Variants in TENM3 observed in about 807,000 individuals in gnomAD.
TENM3 encodes the protein teneurin transmembrane protein 3, also known as teneurin-3.
A neutral mutation model predicts 255.1 loss-of-function variants in TENM3; 63 were observed. The observed-to-expected ratio is 0.25, with a 90% CI of 0.20 to 0.30. The LOEUF (loss-of-function observed/expected upper bound fraction) is 0.30, where lower values mean the gene tolerates loss of function less well. Ranked by LOEUF, TENM3 falls within the 10% of genes least tolerant of loss-of-function variation. TENM3 has a pLI of 1.00. For missense variants in TENM3, 2,929 were observed against 3,461.1 expected (o/e 0.85, Z 3.86); for synonymous variants, 1,306 against 1,322.3 (o/e 0.99, Z 0.27).
At chr4:182,059,662 A>G in the TENM3 span, among the ~76,000 whole-genome samples, 1 of 147,608 alleles carries the variant, frequency 6.8e-6, no homozygotes, top group Non-Finnish European at 1.5e-5. Context: ...TAATCCCAAC[A>G]CTTTGGGAGG....
chr4:181,842,100 A>G, the TENM3 span, among the ~76,000 whole-genome samples: 1 of 152,180 alleles, frequency 6.6e-6, no homozygotes, highest in Non-Finnish European at 1.5e-5. Context: ...TTCTTCTGAT[A>G]ACATTTATAA....
In TENM3 at chr4:182,420,229, A is replaced by G. The variant is rs61491176; in HGVS notation, c.511+73300A>G. ...ATGGATATACATTTGGTGTTTGGAG[A>G]GGTAGATATTCGAGTTATAAGACAG... On this transcript the variant is annotated intron_variant, in intron 3 of 27. Coordinates refer to ENST00000511685, the MANE Select transcript of TENM3 (RefSeq NM_001080477.4). 5.1e-3 allele frequency among the ~76,000 whole-genome samples: 783 copies of G among 152,148 alleles called. 5 individuals carry two copies. Among genetic ancestry groups the G allele is most frequent in the African/African-American group, 0.018 (742 of 41,498 alleles).
At chr4:181,809,612 A>C in the TENM3 span, among the ~76,000 whole-genome samples, 1 of 152,188 alleles carries the variant, frequency 6.6e-6, no homozygotes, top group Non-Finnish European at 1.5e-5. Context: ...TCACTTATGA[A>C]GGTGTGGAAG....
the TENM3 span, among the ~76,000 whole-genome samples, chr4:182,083,445 T>C: frequency 3.0e-4 from 45 of 152,316 alleles, no homozygotes; most frequent in South Asian, 4.6e-3. Context: ...AAAAATAATC[T>C]GATGGAGAAG....
At chr4:181,566,636 C>T in the TENM3 span, among the ~76,000 whole-genome samples, 1 of 152,104 alleles carries the variant, frequency 6.6e-6, no homozygotes, top group Non-Finnish European at 1.5e-5. Flanking sequence ...GTCCATGCAG[C>T]GACCAGCTGT....
chr4:182,465,949 T>A (rs114011752), intron 3 of TENM3, among the ~76,000 whole-genome samples: 1 of 152,160 alleles, frequency 6.6e-6, no homozygotes. Context: ...CACCCAAGTC[T>A]CATTTCTCTA....
At chr4:181,731,386 C>A in the TENM3 span, among the ~76,000 whole-genome samples, 2 of 152,148 alleles carry the variant, frequency 1.3e-5, no homozygotes, top group South Asian at 2.1e-4. Context: ...CAGGGTCTCA[C>A]TTTGTCACCC....
chr4:181,458,525 G>A, the TENM3 span, among the ~76,000 whole-genome samples: 10 of 151,846 alleles, frequency 6.6e-5, no homozygotes, highest in Non-Finnish European at 1.2e-4. Flanking sequence ...GTAGCTACCT[G>A]TGACAACTTA....
chr4:182,159,272 T>A (rs148585091), intron 1 of TENM3, among the ~76,000 whole-genome samples: 233 of 152,308 alleles, frequency 1.5e-3, no homozygotes, highest in African/African-American at 5.4e-3. Context: ...GGTGTTGGAA[T>A]TGAATTTGGA....
At chr4:181,576,311 G>A in the TENM3 span, among the ~76,000 whole-genome samples, 1 of 152,128 alleles carries the variant, frequency 6.6e-6, no homozygotes, top group East Asian at 1.9e-4. Context: ...GTATTCCATT[G>A]TGTATATATA....
intron 3 of TENM3, among the ~76,000 whole-genome samples, chr4:182,543,512 G>A (rs1482967088): frequency 1.3e-5 from 2 of 152,104 alleles, no homozygotes; most frequent in Admixed American, 6.5e-5. Flanking sequence ...AGCACAAGGA[G>A]ACCAGCATTC....
chr4:181,746,001 T>G, the TENM3 span, among the ~76,000 whole-genome samples: 106 of 152,198 alleles, frequency 7.0e-4, 1 homozygote, highest in African/African-American at 2.4e-3. Context: ...GAGTTGATAG[T>G]GTAGGATAGG....
At chr4:182,157,478 A>G (rs1256204806) in intron 1 of TENM3, among the ~76,000 whole-genome samples, 1 of 152,206 alleles carries the variant, frequency 6.6e-6, no homozygotes, top group Non-Finnish European at 1.5e-5. Flanking sequence ...TGAAGAGTCC[A>G]ACAGTAAATA....
intron 1 of TENM3, among the ~76,000 whole-genome samples, chr4:182,249,725 T>G (rs1757873184): frequency 6.6e-6 from 1 of 152,162 alleles, no homozygotes; most frequent in African/African-American, 2.4e-5. Flanking sequence ...AATTGTGATG[T>G]TTTTATATAA....
intron 6 of TENM3, among the ~76,000 whole-genome samples, chr4:182,668,985 T>G (rs979652246): frequency 5.3e-5 from 8 of 151,942 alleles, no homozygotes; most frequent in African/African-American, 1.9e-4. Flanking sequence ...CCCAAGAGAG[T>G]AGATTAAATT....
At chr4:182,009,186 A>G in the TENM3 span, among the ~76,000 whole-genome samples, 1 of 152,094 alleles carries the variant, frequency 6.6e-6, no homozygotes, top group African/African-American at 2.4e-5. Flanking sequence ...GGTGTCTGAC[A>G]ACCCCTGTTG....
At chr4:181,833,393 T>C in the TENM3 span, among the ~76,000 whole-genome samples, 4 of 152,168 alleles carry the variant, frequency 2.6e-5, no homozygotes, top group African/African-American at 9.7e-5. Flanking sequence ...GCTTCCTTAC[T>C]GTACTCTGCC....
At chr4:181,934,075 TGC>T in the TENM3 span, among the ~76,000 whole-genome samples, 1 of 148,098 alleles carries the variant, frequency 6.8e-6, no homozygotes, top group South Asian at 2.2e-4. Flanking sequence ...TGTGTGTGTG[TGC>T]GCGCGCTTTT....
the TENM3 span, among the ~76,000 whole-genome samples, chr4:181,685,085 TTTTG>T: frequency 6.6e-6 from 1 of 151,918 alleles, no homozygotes; most frequent in Non-Finnish European, 1.5e-5. Context: ...TTTTGTTTTG[TTTTG>T]TTTGTTTGTT....
Sources: allele counts gnomAD v4.1 joint callset (sites outside exome capture counted in the v4.1 genomes callset), GRCh38; gene constraint gnomAD v4.1.1; transcripts MANE v1.5; gene names NCBI Gene and HGNC (gene_info 2026-07-23, HGNC 2026-07-21).